The following COL4A1 variants were observed in gnomAD, a reference collection of about 807,000 sequenced individuals.
The protein encoded by COL4A1 is collagen type IV alpha 1 chain.
In COL4A1, 40 loss-of-function variants were observed where a neutral mutation model predicts 216.6. That is an observed-to-expected ratio of 0.18 (90% CI 0.14 to 0.24). COL4A1 has a LOEUF of 0.24. COL4A1 is among the 10% of genes least tolerant of loss of function. COL4A1 has a pLI of 1.00. For missense variants in COL4A1, 1,628 were observed against 2,196.8 expected, an observed-to-expected ratio of 0.74 and a Z score of 5.18; for synonymous variants, 839 against 810.7, an observed-to-expected ratio of 1.03 and a Z score of -0.59.
At chr13:110,202,470 A>G (rs1455150660) in intron 18 of COL4A1, among the ~76,000 whole-genome samples, 3 of 152,228 alleles carry the variant, frequency 2.0e-5, no homozygotes, top group African/African-American at 7.2e-5. Context: ...TAGTCATCCC[A>G]CAAGTTATAT....
At chr13:110,172,592 C>A in intron 41 of COL4A1, 128 bp downstream of exon 41, 3 of 884,702 alleles carry the variant, frequency 3.4e-6, no homozygotes, top group Non-Finnish European at 5.8e-6. Flanking sequence ...GGGCTCAGCA[C>A]CCATCCTCCA....
intron 50 of COL4A1, 146 bp from the exon 51 acceptor site, chr13:110,152,652 T>C (rs915413209): frequency 1.5e-5 from 16 of 1,056,012 alleles, no homozygotes; most frequent in Admixed American, 4.1e-5. Context: ...ACACACTCTG[T>C]GCCCAAATTA....
intron 1 of COL4A1, among the ~76,000 whole-genome samples, chr13:110,301,735 CAGG>C (rs1884501442): frequency 2.0e-5 from 3 of 152,100 alleles, no homozygotes; most frequent in South Asian, 2.1e-4. Flanking sequence ...GGCCGGGGAG[CAGG>C]AGAAGATGAA....
At chr13:110,241,906 C>T (rs566522983) in intron 2 of COL4A1, among the ~76,000 whole-genome samples, 2 of 152,326 alleles carry the variant, frequency 1.3e-5, no homozygotes, top group East Asian at 1.9e-4. Context: ...ACAGAGTATC[C>T]ACTCCATTCT....
intron 1 of COL4A1, among the ~76,000 whole-genome samples, chr13:110,289,293 GC>G (rs145641200): frequency 0.027 from 4,139 of 152,224 alleles, 196 homozygotes; most frequent in African/African-American, 0.096. Flanking sequence ...CACGATCCAG[GC>G]CGGGGTGCCA....
chr13:110,158,739 C>CTTTTTTT (rs556230875), intron 49 of COL4A1, among the ~76,000 whole-genome samples: 8 of 105,840 alleles, frequency 7.6e-5, no homozygotes, highest in African/African-American at 1.8e-4. Flanking sequence ...AAGAAATAAA[C>CTTTTTTT]TTTTTTTTTT....
At chr13:110,260,383 G>A (rs555994520) in intron 1 of COL4A1, among the ~76,000 whole-genome samples, 5 of 152,162 alleles carry the variant, frequency 3.3e-5, no homozygotes, top group Non-Finnish European at 7.3e-5. Context: ...CCCTTAGCAC[G>A]TGGGGATTAT....
In COL4A1 at chr13:110,276,279, C is replaced by T. The variant is rs755858793; in HGVS notation, c.84+30665G>A. ...CCTGCATGTGTACCACCCCAGATTGCGAAACAGTGGAACAGAGCTTCGTAA... is the reference window on the plus strand; with the variant it reads ...CCTGCATGTGTACCACCCCAGATTGTGAAACAGTGGAACAGAGCTTCGTAA... On this transcript the variant is annotated intron_variant, in intron 1 of 51. Coordinates refer to ENST00000375820, the MANE Select transcript of COL4A1 (RefSeq NM_001845.6). Among the ~76,000 whole-genome samples the T allele has an allele frequency of 2.0e-5, 3 of 152,284 alleles. No homozygotes were observed. In the East Asian group the frequency reaches 5.8e-4, roughly 29 times the overall value.
Position 110,155,438 on chromosome 13 carries a change from G to A in COL4A1, c.4641-41C>T, listed in dbSNP as rs927275932. 3 of 1,456,270 alleles carry A rather than the reference G, an allele frequency of 2.1e-6. No homozygotes were observed. The African/African-American group carries it at 4.2e-5, about 20-fold the overall frequency. 90.2% of individuals were successfully genotyped at this position (1,456,270 alleles called of 1,614,324 possible). On this transcript the variant is annotated intron_variant, in intron 49 of 51. Transcript: ENST00000375820. The stretch of plus-strand genomic sequence containing the variant: ...AGACACTCAGCACAGCCGGGGTGCA[G>A]GGCAGAGGCCGCCCTCCATGCACTG...
chr13:110,264,888 G>C (rs752514036), intron 1 of COL4A1, among the ~76,000 whole-genome samples: 9 of 152,210 alleles, frequency 5.9e-5, no homozygotes, highest in Non-Finnish European at 1.3e-4. Context: ...CGTGATCCCA[G>C]GGCATTAGGC....
chr13:110,252,403 C>T (rs1048517643), intron 1 of COL4A1, among the ~76,000 whole-genome samples: 1 of 149,136 alleles, frequency 6.7e-6, no homozygotes, highest in Non-Finnish European at 1.5e-5. Context: ...TGTTTCTACA[C>T]ATAGTTATAT....
chr13:110,283,686 T>A (rs570486012), intron 1 of COL4A1, among the ~76,000 whole-genome samples: 90 of 152,204 alleles, frequency 5.9e-4, no homozygotes, highest in Non-Finnish European at 1.1e-3. Context: ...CACCCACACA[T>A]GCACATCAAA....
chr13:110,175,464 TCC>T, intron 36 of COL4A1, 107 bp from the exon 37 acceptor site: 1 of 1,546,750 alleles, frequency 6.5e-7, no homozygotes, highest in Non-Finnish European at 8.7e-7. Context: ...AGAACGTGAA[TCC>T]CCCACAACCA....
chr13:110,297,152 G>C (rs546591734), intron 1 of COL4A1, among the ~76,000 whole-genome samples: 2 of 152,228 alleles, frequency 1.3e-5, no homozygotes, highest in Non-Finnish European at 2.9e-5. Context: ...CAGAGGTTGT[G>C]AGTGGGGCTG....
At chr13:110,247,835 G>GTGTGTGTGTGA (rs765744265) in intron 1 of COL4A1, among the ~76,000 whole-genome samples, 2 of 96,478 alleles carry the variant, frequency 2.1e-5, no homozygotes, top group Non-Finnish European at 4.2e-5. Context: ...GTGTGTGTGT[G>GTGTGTGTGTGA]GCAGAGAGAG....
intron 1 of COL4A1, among the ~76,000 whole-genome samples, chr13:110,248,886 C>CA (rs1470483040): frequency 6.6e-5 from 10 of 152,180 alleles, no homozygotes; most frequent in Non-Finnish European, 1.5e-5. Context: ...AGCAGGCACT[C>CA]ACACTTTTTT....
intron 18 of COL4A1, 59 bp from the exon 19 acceptor site, chr13:110,201,581 G>T: frequency 7.3e-7 from 1 of 1,367,834 alleles, no homozygotes. Context: ...GTCCTGTATA[G>T]TAAAGCAGTA....
intron 2 of COL4A1, among the ~76,000 whole-genome samples, chr13:110,222,466 G>C (rs932427038): frequency 1.3e-5 from 2 of 152,088 alleles, no homozygotes; most frequent in African/African-American, 4.8e-5. Flanking sequence ...CTCCCTGGTG[G>C]ACCTTAAAGA....
intron 2 of COL4A1, among the ~76,000 whole-genome samples, chr13:110,221,057 C>G (rs1880455633): frequency 6.6e-6 from 1 of 152,172 alleles, no homozygotes. Context: ...GGAGAGATTT[C>G]TATTGGACAA....
Sources: allele counts gnomAD v4.1 joint callset (sites outside exome capture counted in the v4.1 genomes callset), GRCh38; gene constraint gnomAD v4.1.1; transcripts MANE v1.5; gene names NCBI Gene and HGNC (gene_info 2026-07-23, HGNC 2026-07-21).